PTPRD: variants seen among roughly 807,000 people sequenced by gnomAD.
PTPRD encodes the protein receptor-type tyrosine-protein phosphatase delta.
Under a neutral mutation model 214.5 loss-of-function variants are expected in PTPRD, and 34 were observed. The ratio of observed to expected loss-of-function variants is 0.16; its 90% confidence interval spans 0.12 to 0.21. The LOEUF is 0.21. Ranked by LOEUF, PTPRD falls within the 10% of genes least tolerant of loss-of-function variation. PTPRD has a pLI of 1.00. For synonymous variants in PTPRD, 1,128 were observed against 845.7 expected (o/e 1.33, Z -5.79); for missense variants, 2,545 against 2,398.7 (o/e 1.06, Z -1.27).
At chr9:10,322,052 G>A (rs989157482) in intron 3 of PTPRD, among the ~76,000 whole-genome samples, 40 of 151,898 alleles carry the variant, frequency 2.6e-4, no homozygotes, top group African/African-American at 9.4e-4. Flanking sequence ...ATCAAAAGAC[G>A]GAGTGAGGAA....
chr9:8,760,210 C>T (rs2094323533), intron 11 of PTPRD, among the ~76,000 whole-genome samples: 1 of 152,196 alleles, frequency 6.6e-6, no homozygotes, highest in Non-Finnish European at 1.5e-5. Context: ...GCCAGCCTAA[C>T]ACCTTTTTAA....
At chr9:9,370,493 T>A (rs375175323) in intron 9 of PTPRD, among the ~76,000 whole-genome samples, 35,625 of 148,652 alleles carry the variant, frequency 0.24, 5,688 homozygotes, top group African/African-American at 0.44. Flanking sequence ...GTTGCTTATC[T>A]GCTTAAGGAG....
chr9:8,799,793 G>C (rs769885391), intron 11 of PTPRD, among the ~76,000 whole-genome samples: 4 of 151,950 alleles, frequency 2.6e-5, no homozygotes, highest in Non-Finnish European at 4.4e-5. Flanking sequence ...ATGCTCCAGA[G>C]AAATCCTCCT....
At chr9:10,244,744 A>T (rs2091788155) in intron 3 of PTPRD, among the ~76,000 whole-genome samples, 1 of 152,126 alleles carries the variant, frequency 6.6e-6, no homozygotes, top group Non-Finnish European at 1.5e-5. Context: ...TATTTAAAAC[A>T]GGGAGAGAAG....
At chr9:9,922,155 CTG>C (rs2082731724) in intron 5 of PTPRD, among the ~76,000 whole-genome samples, 1 of 152,078 alleles carries the variant, frequency 6.6e-6, no homozygotes, top group African/African-American at 2.4e-5. Flanking sequence ...CTTGGAAAAA[CTG>C]AGTGCTTTAG....
intron 2 of PTPRD, among the ~76,000 whole-genome samples, chr9:10,605,377 C>G (rs932703465): frequency 6.6e-6 from 1 of 151,706 alleles, no homozygotes; most frequent in Non-Finnish European, 1.5e-5. Flanking sequence ...AGTGGTCTGG[C>G]GATTTATTTG....
intron 6 of PTPRD, among the ~76,000 whole-genome samples, chr9:9,758,880 C>G (rs183905207): frequency 2.0e-5 from 3 of 151,818 alleles, no homozygotes; most frequent in Non-Finnish European, 2.9e-5. Context: ...AAAACTAATT[C>G]TTAATAATAA....
intron 43 of PTPRD, among the ~76,000 whole-genome samples, chr9:8,334,257 T>A (rs1378117161): frequency 6.6e-6 from 1 of 152,058 alleles, no homozygotes; most frequent in East Asian, 1.9e-4. Context: ...TTGCACTTAT[T>A]CTAACATTGA....
chr9:10,140,083 C>T (rs1053467879), intron 3 of PTPRD, among the ~76,000 whole-genome samples: 12 of 151,986 alleles, frequency 7.9e-5, no homozygotes, highest in Non-Finnish European at 1.5e-4. Context: ...GAGAGTTTCT[C>T]TTGATGTGAA....
chr9:8,607,967 T>C (rs1323186340), intron 14 of PTPRD, among the ~76,000 whole-genome samples: 1 of 152,204 alleles, frequency 6.6e-6, no homozygotes, highest in Non-Finnish European at 1.5e-5. Flanking sequence ...CAAGTTAACA[T>C]GGAGGCTGCC....
chr9:9,557,468 C>A (rs1048636445), intron 8 of PTPRD, among the ~76,000 whole-genome samples: 7 of 152,186 alleles, frequency 4.6e-5, no homozygotes, highest in African/African-American at 2.4e-5. Flanking sequence ...TTGAAATGCA[C>A]TGCAAAGCTC....
chr9:9,702,358 C>T (rs897501820), intron 7 of PTPRD, among the ~76,000 whole-genome samples: 1 of 152,050 alleles, frequency 6.6e-6, no homozygotes, highest in African/African-American at 2.4e-5. Context: ...TGTGAGATCA[C>T]AACAGTATAA....
At chr9:9,834,276 C>T (rs924943914) in intron 5 of PTPRD, among the ~76,000 whole-genome samples, 9 of 151,978 alleles carry the variant, frequency 5.9e-5, no homozygotes, top group Admixed American at 3.3e-4. Context: ...GACTATGTAA[C>T]AGTCATTCAC....
chr9:8,693,639 A>G (rs986156183), intron 12 of PTPRD, among the ~76,000 whole-genome samples: 1 of 152,196 alleles, frequency 6.6e-6, no homozygotes, highest in African/African-American at 2.4e-5. Flanking sequence ...AGTCTGAGAA[A>G]TCGCTCTCTG....
chr9:9,995,742 T>C (rs2096097760), intron 4 of PTPRD, among the ~76,000 whole-genome samples: 2 of 152,222 alleles, frequency 1.3e-5, no homozygotes. Context: ...TGTTTCTTGT[T>C]GGGACCCTGT....
intron 3 of PTPRD, among the ~76,000 whole-genome samples, chr9:10,207,046 G>GT (rs2099486389): frequency 6.6e-6 from 1 of 152,036 alleles, no homozygotes; most frequent in African/African-American, 2.4e-5. Context: ...GAGCTGATGA[G>GT]TTTTATTGTA....
intron 34 of PTPRD, 145 bp downstream of exon 34, chr9:8,449,580 G>T: frequency 1.4e-6 from 1 of 692,898 alleles, no homozygotes; most frequent in Non-Finnish European, 2.2e-6. Context: ...ACTTTTGCTT[G>T]GGCAAGTCTC....
chr9:9,424,307 G>A (rs115476607), intron 8 of PTPRD, among the ~76,000 whole-genome samples: 2,634 of 152,212 alleles, frequency 0.017, 68 homozygotes, highest in African/African-American at 0.06. Context: ...CTATTTCCTG[G>A]GAAACTAAGA....
At chr9:10,306,277 TG>T (rs1394892710) in intron 3 of PTPRD, among the ~76,000 whole-genome samples, 21 of 42,468 alleles carry the variant, frequency 4.9e-4, no homozygotes, top group South Asian at 1.2e-3. Flanking sequence ...TGTCGTGGGG[TG>T]GGGGGGGCTA....
Sources: gnomAD v4.1 joint callset for allele counts (sites outside exome capture counted in the v4.1 genomes callset) on GRCh38, gnomAD v4.1.1 for gene constraint, MANE v1.5 for transcripts, NCBI Gene and HGNC (gene_info 2026-07-23, HGNC 2026-07-21) for gene names.